Variants in DGLUCY observed in about 807,000 individuals in gnomAD.
DGLUCY encodes D-glutamate cyclase.
A neutral mutation model predicts 58.5 loss-of-function variants in DGLUCY; 58 were observed. The ratio of observed to expected loss-of-function variants is 0.99; its 90% CI spans 0.80 to 1.23. The LOEUF (loss-of-function observed/expected upper bound fraction) is 1.23. Ranked by LOEUF, DGLUCY falls within the 50% of genes most tolerant of loss-of-function variation. The probability of loss-of-function intolerance (pLI) is 0.00; values close to 1 mark genes in which losing one functional copy is unlikely to be tolerated. For synonymous variants in DGLUCY, 325 were observed against 314.1 expected, an observed-to-expected ratio of 1.03 and a Z score of -0.37; for missense variants, 779 against 784.7, an observed-to-expected ratio of 0.99 and a Z score of 0.09.
chr14:91,118,360 G>T (rs543145616), intron 1 of DGLUCY, among the ~76,000 whole-genome samples: 3 of 152,172 alleles, frequency 2.0e-5, no homozygotes, highest in African/African-American at 7.2e-5. Flanking sequence ...CTCCTGAAGT[G>T]CTGGGGTTAC....
chr14:91,072,114 C>G (rs530279910), intron 1 of DGLUCY, among the ~76,000 whole-genome samples: 19 of 152,030 alleles, frequency 1.2e-4, no homozygotes, highest in Admixed American at 2.6e-4. Flanking sequence ...CTTGAGCCCA[C>G]GAGTTCAAGA....
intron 8 of DGLUCY, among the ~76,000 whole-genome samples, chr14:91,184,632 G>A: frequency 9.2e-6 from 1 of 108,642 alleles, no homozygotes; most frequent in African/African-American, 4.6e-5. Flanking sequence ...AGGAAGGAAG[G>A]AAGGGAGGGA....
intron 1 of DGLUCY, among the ~76,000 whole-genome samples, chr14:91,085,650 A>C (rs1054086771): frequency 2.7e-5 from 4 of 150,242 alleles, no homozygotes; most frequent in African/African-American, 9.8e-5. Flanking sequence ...GCTCACTGCA[A>C]CCTCCACCTC....
At chr14:91,203,431 C>G (rs2050692435) in intron 11 of DGLUCY, among the ~76,000 whole-genome samples, 1 of 152,226 alleles carries the variant, frequency 6.6e-6, no homozygotes, top group African/African-American at 2.4e-5. Context: ...GAAGCAGACA[C>G]AAAAACAATG....
At chr14:91,201,248 G>C (rs189499530) in intron 11 of DGLUCY, among the ~76,000 whole-genome samples, 53 of 151,958 alleles carry the variant, frequency 3.5e-4, no homozygotes, top group South Asian at 1.0e-3. Flanking sequence ...AGATGTATAC[G>C]TGCAGGTCAC....
chr14:91,153,852 G>A (rs1021117358), intron 1 of DGLUCY, among the ~76,000 whole-genome samples: 3 of 152,142 alleles, frequency 2.0e-5, no homozygotes, highest in Non-Finnish European at 2.9e-5. Context: ...AGCCTCAGGC[G>A]GTCCTGAGGA....
chr14:91,079,254 G>A (rs4900068), intron 1 of DGLUCY, among the ~76,000 whole-genome samples: 44,256 of 151,746 alleles, frequency 0.29, 6,551 homozygotes, highest in Middle Eastern at 0.33. Context: ...CATTCTGAGC[G>A]CAATATTATA....
Position 91,165,473 on chromosome 14 carries a change from G to A in DGLUCY, c.104-1752G>A, listed in dbSNP as rs537074849. ...GGTGTGTTTACCACCAAAGCCAAAG[G>A]ACTTCCATTGCGGAGGAAGGCTGGC... On this transcript the variant is annotated intron_variant, in intron 3 of 13. Coordinates refer to ENST00000256324, the MANE Select transcript of DGLUCY (RefSeq NM_001102368.3). 22 of 334,506 alleles carry A rather than the reference G, an allele frequency of 6.6e-5. No individual in the cohort carries two copies. The East Asian group carries it at 1.3e-3, about 20-fold the overall frequency. 20.7% of individuals were successfully genotyped at this position (334,506 alleles called of 1,614,324 possible).
chr14:91,159,458 C>T (rs1034577993), intron 2 of DGLUCY, among the ~76,000 whole-genome samples: 1 of 152,066 alleles, frequency 6.6e-6, no homozygotes, highest in Non-Finnish European at 1.5e-5. Flanking sequence ...TCAAGAAAAA[C>T]AAACAAACAA....
rs34202137 is a variant in DGLUCY at position 91,135,926 on chromosome 14, C to CT, written c.-82+21669dup. On this transcript the variant is annotated intron_variant, in intron 1 of 13. Coordinates refer to ENST00000256324, the MANE Select transcript of DGLUCY (RefSeq NM_001102368.3). The stretch of plus-strand genomic sequence containing the variant: ...TTCCAACTTGGCTAGGATACATTAG[C>CT]TTTTTTTTTTTTTTTTTTTTTTTTT... Among the ~76,000 whole-genome samples, 94 of 51,210 alleles carry CT rather than the reference C, an allele frequency of 1.8e-3. 3 individuals carry two copies. The highest frequency in any genetic ancestry group is 0.019 in the Middle Eastern group (1 of 54). 33.6% of individuals were successfully genotyped at this position (51,210 alleles called of 152,430 possible).
rs929472257 is a variant in DGLUCY, at chr14:91,225,171, A to G, written c.*338A>G. The G allele has an allele frequency of 2.2e-5, 4 of 180,996 alleles. No homozygotes were observed. The highest frequency in any genetic ancestry group is 9.4e-5 in the African/African-American group (4 of 42,646). 11.2% of individuals were successfully genotyped at this position (180,996 alleles called of 1,614,324 possible). A position where few individuals can be genotyped will look rare whatever the true frequency, so the allele number is the denominator to read the frequency against. On this transcript the variant is annotated 3_prime_UTR_variant, in exon 14 of 14. Coordinates refer to ENST00000256324, the MANE Select transcript of DGLUCY (RefSeq NM_001102368.3). ...TTACTTATGGGGACACTTGTGAACA[A>G]TTAACTGCCAGGCAGAGCATGAGAA...
intron 7 of DGLUCY, among the ~76,000 whole-genome samples, chr14:91,177,024 A>T (rs1039121062): frequency 6.7e-6 from 1 of 150,342 alleles, no homozygotes; most frequent in Admixed American, 6.6e-5. Context: ...TCTTTCACAG[A>T]GTCTCACTCT....
intron 1 of DGLUCY, among the ~76,000 whole-genome samples, chr14:91,122,221 G>A (rs1325933338): frequency 6.6e-6 from 1 of 151,580 alleles, no homozygotes; most frequent in Admixed American, 6.6e-5. Flanking sequence ...GAGTGCAGTG[G>A]TTCAACAACC....
intron 1 of DGLUCY, among the ~76,000 whole-genome samples, chr14:91,142,009 C>T (rs1256266434): frequency 6.6e-6 from 1 of 152,002 alleles, no homozygotes; most frequent in Non-Finnish European, 1.5e-5. Flanking sequence ...TCACGTCTGG[C>T]TAATTTTTGT....
intron 6 of DGLUCY, among the ~76,000 whole-genome samples, chr14:91,173,948 G>C (rs2048719038): frequency 6.6e-6 from 1 of 152,004 alleles, no homozygotes; most frequent in African/African-American, 2.4e-5. Flanking sequence ...CCAAAATGCT[G>C]TATTTTGTCT....
intron 1 of DGLUCY, among the ~76,000 whole-genome samples, chr14:91,132,111 C>T (rs1220881324): frequency 6.6e-6 from 1 of 152,114 alleles, no homozygotes; most frequent in Non-Finnish European, 1.5e-5. Flanking sequence ...ACTTTTGTAC[C>T]CACTTGTCTG....
Position 91,184,117 on chromosome 14 carries a change from T to C in DGLUCY, c.934+2728T>C, listed in dbSNP as rs190476999. ...GGAGAGCTGAGGGGTGAGGCCAGCC[T>C]GCAAAGCAGCAGTCAGCAATCTGGG... On this transcript the variant is annotated intron_variant, in intron 8 of 13. Coordinates refer to ENST00000256324, the MANE Select transcript of DGLUCY (RefSeq NM_001102368.3). Among the ~76,000 whole-genome samples, 63 of 152,140 alleles carry C rather than the reference T, an allele frequency of 4.1e-4. 1 individual carries two copies. In the East Asian group the frequency reaches 0.01, roughly 25 times the overall value.
chr14:91,148,273 C>T lies in DGLUCY; in HGVS notation c.-81-9366C>T, dbSNP rs78896191. 2.9e-3 allele frequency among the ~76,000 whole-genome samples: 444 copies of T among 151,638 alleles called. 3 individuals are homozygous for T. Among genetic ancestry groups the T allele is most frequent in the Non-Finnish European group, 5.2e-3 (352 of 67,870 alleles). On this transcript the variant is annotated intron_variant, in intron 1 of 13. Coordinates refer to ENST00000256324, the MANE Select transcript of DGLUCY (RefSeq NM_001102368.3). ...AGGCTGGAGTGCAGTGGCTCCATCT[C>T]GGCTCACTGCAACCTCCACCCCCAA... is the stretch of plus-strand genomic sequence containing the variant.
intron 1 of DGLUCY, among the ~76,000 whole-genome samples, chr14:91,077,622 T>G (rs750335643): frequency 1.3e-5 from 2 of 151,642 alleles, no homozygotes; most frequent in Non-Finnish European, 2.9e-5. Context: ...TATAGTGGCA[T>G]GCGCCTGTAG....
Sources: gnomAD v4.1 joint callset for allele counts (sites outside exome capture counted in the v4.1 genomes callset) on GRCh38, gnomAD v4.1.1 for gene constraint, MANE v1.5 for transcripts, NCBI Gene and HGNC (gene_info 2026-07-23, HGNC 2026-07-21) for gene names.